Variants in PMS1 observed in about 807,000 individuals in gnomAD.
The protein encoded by PMS1 is PMS1 homolog 1, mismatch repair system component, also known as PMS1 protein homolog 1.
Under a neutral mutation model 93.1 loss-of-function variants are expected in PMS1, and 79 were observed. The ratio of observed to expected loss-of-function variants is 0.85; its 90% confidence interval spans 0.71 to 1.02. The LOEUF (loss-of-function observed/expected upper bound fraction) is 1.02, where lower values mean the gene tolerates loss of function less well. PMS1 is among the 50% of genes least tolerant of loss of function. The pLI, the probability that PMS1 is intolerant of heterozygous loss-of-function variation, is 0.00. For missense variants in PMS1, 1,064 were observed against 1,085.3 expected (o/e 0.98, Z 0.28); for synonymous variants, 335 against 363.4 (o/e 0.92, Z 0.89).
Position 189,864,102 on chromosome 2 carries a change from C to T in PMS1, c.2216C>T (p.Thr739Ile), listed in dbSNP as rs1376256093. ...AGGTTTCCTGATGCATGGCTAATGA[C>T]ATCCAAAACAGAGGTAATGTTATTA... ...NLRFPDAWLMTSKTEVMLLNP... is the reference protein window; with the variant it reads ...NLRFPDAWLMISKTEVMLLNP... Residue 739 changes from threonine (T) to isoleucine (I), a missense_variant, in exon 10 of 13, where the codon ACA becomes ATA. Thr to Ile is a moderately conservative substitution (Grantham distance 89). Transcript: ENST00000441310. The T allele has an allele frequency of 6.2e-7, 1 of 1,613,508 alleles. No individual in the cohort carries two copies. Among genetic ancestry groups the T allele is most frequent in the East Asian group, 2.2e-5 (1 of 44,842 alleles).
chr2:189,785,663 G>T (rs370817955), intron 1 of PMS1, among the ~76,000 whole-genome samples: 1 of 152,198 alleles, frequency 6.6e-6, no homozygotes, highest in African/African-American at 2.4e-5. Flanking sequence ...GGTAAAGGGG[G>T]ACTGCAGGGG....
At chr2:189,809,340 G>A (rs1440536457) in intron 4 of PMS1, among the ~76,000 whole-genome samples, 1 of 151,362 alleles carries the variant, frequency 6.6e-6, no homozygotes. Flanking sequence ...TGTAGGATGT[G>A]CTAAAGTTAG....
chr2:189,804,744 T>C (rs113375627), intron 3 of PMS1, among the ~76,000 whole-genome samples: 2 of 152,252 alleles, frequency 1.3e-5, no homozygotes, highest in African/African-American at 2.4e-5. Context: ...GTCTAAATTA[T>C]ATAGATTTAC....
chr2:189,821,051 A>T (rs2051812253), intron 5 of PMS1, among the ~76,000 whole-genome samples: 3 of 152,136 alleles, frequency 2.0e-5, no homozygotes, highest in Admixed American at 2.0e-4. Flanking sequence ...TAGTAATAAA[A>T]AGTTTGTCCC....
intron 5 of PMS1, among the ~76,000 whole-genome samples, chr2:189,834,146 T>C (rs2053189551): frequency 2.0e-5 from 3 of 152,204 alleles, no homozygotes; most frequent in African/African-American, 7.2e-5. Flanking sequence ...TTGCTATTGT[T>C]ATTGATGTGA....
intron 6 of PMS1, among the ~76,000 whole-genome samples, chr2:189,851,873 T>C (rs2054771148): frequency 6.6e-6 from 1 of 152,212 alleles, no homozygotes; most frequent in South Asian, 2.1e-4. Context: ...CTCTGTCTTA[T>C]ATTCTTAACA....
At chr2:189,838,130 TA>T (rs1242866834) in intron 5 of PMS1, among the ~76,000 whole-genome samples, 1 of 152,214 alleles carries the variant, frequency 6.6e-6, no homozygotes, top group African/African-American at 2.4e-5. Context: ...ATTATAAATC[TA>T]AAGTGGGTGA....
intron 3 of PMS1, among the ~76,000 whole-genome samples, chr2:189,797,839 G>T (rs2049496817): frequency 6.6e-6 from 1 of 152,134 alleles, no homozygotes; most frequent in Non-Finnish European, 1.5e-5. Flanking sequence ...TTGAAGTGCT[G>T]GCATAGGATA....
chr2:189,790,428 A>G (rs1049319989), intron 1 of PMS1, among the ~76,000 whole-genome samples: 28 of 152,166 alleles, frequency 1.8e-4, no homozygotes, highest in African/African-American at 6.8e-4. Flanking sequence ...TCTTTTTAGA[A>G]CATGCATGTC....
At chr2:189,814,527 A>AATAC (rs397843695) in intron 4 of PMS1, among the ~76,000 whole-genome samples, 1 of 151,830 alleles carries the variant, frequency 6.6e-6, no homozygotes, top group African/African-American at 2.4e-5. Flanking sequence ...TAAATAAATA[A>AATAC]TTCAGACAAA....
intron 12 of PMS1, among the ~76,000 whole-genome samples, chr2:189,874,173 TAC>T (rs2057376533): frequency 6.6e-6 from 1 of 152,206 alleles, no homozygotes; most frequent in Non-Finnish European, 1.5e-5. Flanking sequence ...CATGGATTCT[TAC>T]CATAACATTT....
chr2:189,854,084 TA>T lies in PMS1; in HGVS notation c.966+4del. On this transcript the variant is annotated splice_donor_region_variant and intron_variant, in intron 8 of 12. Transcript: ENST00000441310. The stretch of plus-strand genomic sequence containing the variant: ...AGCCAAGTATTATTACAAAATAAGG[TA>T]ACTCTTTTCAGATAATTTTTTCTTA... 6.3e-7 allele frequency: 1 copy of T among 1,577,102 alleles called. No individual in the cohort carries two copies. Among genetic ancestry groups the T allele is most frequent in the Non-Finnish European group, 8.7e-7 (1 of 1,154,824 alleles).
At chr2:189,875,955 CAAAAAAAAAA>C (rs561168809) in intron 12 of PMS1, among the ~76,000 whole-genome samples, 3 of 46,192 alleles carry the variant, frequency 6.5e-5, no homozygotes, top group Admixed American at 2.6e-4. Context: ...GACTCTGTCT[CAAAAAAAAAA>C]AAAAAAAAAA....
At chr2:189,800,673 T>C (rs1344356903) in intron 3 of PMS1, among the ~76,000 whole-genome samples, 1 of 152,204 alleles carries the variant, frequency 6.6e-6, no homozygotes, top group East Asian at 1.9e-4. Context: ...AAATTAGTAA[T>C]TTGGTTATTT....
At chr2:189,823,855 A>G (rs1413431809) in intron 5 of PMS1, among the ~76,000 whole-genome samples, 6 of 152,214 alleles carry the variant, frequency 3.9e-5, no homozygotes, top group African/African-American at 1.4e-4. Flanking sequence ...TTTCCCACAT[A>G]TAAAGTCAGG....
chr2:189,817,685 C>T (rs1189302249), intron 4 of PMS1, among the ~76,000 whole-genome samples: 1 of 152,024 alleles, frequency 6.6e-6, no homozygotes, highest in African/African-American at 2.4e-5. Context: ...ATTTTAAAGT[C>T]CAGAATAAGC....
chr2:189,791,818 A>G lies in PMS1; in HGVS notation c.9A>G (p.Gln3=), dbSNP rs373031044. 4.3e-6 allele frequency: 7 copies of G among 1,613,818 alleles called. No individual in the cohort carries two copies. The African/African-American group carries it at 9.3e-5, about 22-fold the overall frequency. Residue 3 remains glutamine (Q), a synonymous_variant, in exon 2 of 13, where the codon CAA becomes CAG. Coordinates refer to ENST00000441310, the MANE Select transcript of PMS1 (RefSeq NM_000534.5). MK[Q]LPAATVRLLS... is the part of the protein sequence containing the mutation. ...CTCTGTTAAAAGCGAAAATGAAACA[A>G]TTGCCTGCGGCAACAGTTCGACTCC... is the stretch of plus-strand genomic sequence containing the variant.
intron 6 of PMS1, among the ~76,000 whole-genome samples, chr2:189,850,464 T>C (rs2054599256): frequency 6.6e-6 from 1 of 152,098 alleles, no homozygotes; most frequent in South Asian, 2.1e-4. Flanking sequence ...ATTGAGAATA[T>C]TTTTGTGACA....
At chr2:189,813,872 A>G (rs5743031) in intron 4 of PMS1, among the ~76,000 whole-genome samples, 2 of 152,318 alleles carry the variant, frequency 1.3e-5, no homozygotes, top group East Asian at 1.9e-4. Context: ...GAGATTTATA[A>G]AAGTATGGTG....
Sources: allele counts gnomAD v4.1 joint callset (sites outside exome capture counted in the v4.1 genomes callset), GRCh38; gene constraint gnomAD v4.1.1; transcripts MANE v1.5; gene names NCBI Gene and HGNC (gene_info 2026-07-23, HGNC 2026-07-21).